Variants in CCNB1IP1 observed in about 807,000 individuals in gnomAD.
The protein encoded by CCNB1IP1 is cyclin B1 interacting protein 1.
In CCNB1IP1, 14 loss-of-function variants were observed where a neutral mutation model predicts 25.6. That is an observed-to-expected ratio of 0.55 (90% confidence interval 0.36 to 0.85). The LOEUF (loss-of-function observed/expected upper bound fraction) is 0.85. CCNB1IP1 is among the 40% of genes least tolerant of loss of function. The probability of loss-of-function intolerance (pLI) is 0.01; values close to 1 mark genes in which losing one functional copy is unlikely to be tolerated. For missense variants in CCNB1IP1, 278 were observed against 342.4 expected (o/e 0.81, Z 1.48); for synonymous variants, 119 against 116.1 (o/e 1.02, Z -0.16).
intron 4 of CCNB1IP1, among the ~76,000 whole-genome samples, chr14:20,324,904 T>A (rs1883019399): frequency 6.6e-6 from 1 of 152,110 alleles, no homozygotes; most frequent in East Asian, 2.0e-4. Flanking sequence ...TACTAAAACT[T>A]CCACCTCCTG....
intron 4 of CCNB1IP1, chr14:20,323,082 C>G (rs1462081618): frequency 6.6e-6 from 1 of 152,022 alleles, no homozygotes; most frequent in Non-Finnish European, 1.5e-5. Context: ...TGACAGCTAT[C>G]TAATTACTAT....
At chr14:20,320,032 A>G (rs1054358322) in intron 4 of CCNB1IP1, among the ~76,000 whole-genome samples, 3 of 152,140 alleles carry the variant, frequency 2.0e-5, no homozygotes, top group African/African-American at 7.2e-5. Flanking sequence ...CTGAATGACT[A>G]CTCAGGGATC....
chr14:20,329,296 G>A lies in CCNB1IP1; in HGVS notation c.-353C>T, dbSNP rs925804405. On this transcript the variant is annotated 5_prime_UTR_variant, in exon 2 of 7. Coordinates refer to ENST00000358932, the MANE Select transcript of CCNB1IP1 (RefSeq NM_021178.5). ...CAAATCCAAGCCCATATGATTTTCA[G>A]GGGGTCTACAGATGGGCCAGTTCTG... 3.9e-5 allele frequency: 6 copies of A among 152,188 alleles called. No homozygotes were observed. Among genetic ancestry groups the A allele is most frequent in the Non-Finnish European group, 7.3e-5 (5 of 68,032 alleles). 9.4% of individuals were successfully genotyped at this position (152,188 alleles called of 1,614,324 possible).
chr14:20,315,962 AAGAGAG>A (rs74717577), intron 5 of CCNB1IP1: 47 of 463,816 alleles, frequency 1.0e-4, no homozygotes, highest in South Asian at 5.9e-4. Context: ...TTTTATACAG[AAGAGAG>A]AGAGAGTGTG....
chr14:20,324,336 G>A (rs1232755326), intron 4 of CCNB1IP1, among the ~76,000 whole-genome samples: 12 of 152,020 alleles, frequency 7.9e-5, no homozygotes, highest in African/African-American at 2.9e-4. Flanking sequence ...ACAGGTGCAC[G>A]CCACCACACC....
intron 5 of CCNB1IP1, chr14:20,315,636 A>C: frequency 7.8e-7 from 1 of 1,284,926 alleles, no homozygotes; most frequent in Non-Finnish European, 1.0e-6. Context: ...TAGAAATCAT[A>C]AAGGGAAAAA....
chr14:20,321,745 T>A (rs1470599964), intron 4 of CCNB1IP1, among the ~76,000 whole-genome samples: 1 of 152,188 alleles, frequency 6.6e-6, no homozygotes, highest in Non-Finnish European at 1.5e-5. Context: ...ATCAAGAATC[T>A]TAATTTAAAG....
At chr14:20,321,404 A>G (rs772422793) in intron 4 of CCNB1IP1, among the ~76,000 whole-genome samples, 8 of 152,244 alleles carry the variant, frequency 5.3e-5, no homozygotes, top group Non-Finnish European at 2.9e-5. Context: ...GTTTTTAGAC[A>G]AACTACTGAA....
At chr14:20,318,429 C>G (rs1431133750) in intron 4 of CCNB1IP1, 3 of 151,082 alleles carry the variant, frequency 2.0e-5, no homozygotes, top group Non-Finnish European at 4.4e-5. Context: ...GCCGAGATCG[C>G]ACCATTGCAC....
intron 6 of CCNB1IP1, among the ~76,000 whole-genome samples, chr14:20,312,542 C>A (rs1010585577): frequency 2.0e-5 from 3 of 151,954 alleles, no homozygotes; most frequent in African/African-American, 4.8e-5. Context: ...CCTATTAAAT[C>A]TTTTTCCTCA....
chr14:20,315,459 A>T, intron 5 of CCNB1IP1: 7 of 1,086,834 alleles, frequency 6.4e-6, no homozygotes, highest in Non-Finnish European at 7.9e-6. Context: ...TGAAAAATAG[A>T]GGAGCATGTA....
chr14:20,331,260 T>C (rs1249508598), intron 1 of CCNB1IP1, among the ~76,000 whole-genome samples: 1 of 152,210 alleles, frequency 6.6e-6, no homozygotes, highest in Non-Finnish European at 1.5e-5. Flanking sequence ...AATACAAAGA[T>C]GACTTGGTTG....
intron 1 of CCNB1IP1, among the ~76,000 whole-genome samples, chr14:20,332,005 C>CATATATATATATATAT (rs1555314509): frequency 1.5e-5 from 1 of 66,578 alleles, no homozygotes; most frequent in African/African-American, 8.2e-5. Context: ...GATGTGTATA[C>CATATATATATATATAT]ATATATATAT....
chr14:20,330,463 G>A, intron 1 of CCNB1IP1: 1 of 152,202 alleles, frequency 6.6e-6, no homozygotes, highest in East Asian at 1.9e-4. Context: ...AAACAAACCT[G>A]CACATGTACC....
chr14:20,325,908 C>A (rs1013955836), intron 3 of CCNB1IP1, among the ~76,000 whole-genome samples: 1 of 151,918 alleles, frequency 6.6e-6, no homozygotes, highest in Non-Finnish European at 1.5e-5. Context: ...GAGAAAATAA[C>A]CCCCTAGTAT....
intron 4 of CCNB1IP1, among the ~76,000 whole-genome samples, chr14:20,321,572 C>T (rs1882896617): frequency 6.6e-6 from 1 of 152,104 alleles, no homozygotes. Flanking sequence ...TTGCCTCAGC[C>T]TCCCGCATAG....
At position 20,313,572 on chromosome 14, in the gene CCNB1IP1, C is replaced by T; in HGVS notation, c.527G>A (p.Gly176Asp). ...TCGTAGCCTAAGGCTATCATAGAGG[C>T]CTTGGAGCTTTTGATACTGACGATT... ...ERNRQYQKLQ[G>D]LYDSLRLRNI... is the part of the protein sequence containing the mutation. Residue 176 changes from glycine (G) to aspartate (D), a missense_variant, in exon 6 of 7, where the codon GGC becomes GAC. Gly to Asp is a moderately conservative substitution (Grantham distance 94, BLOSUM62 -1). Coordinates refer to ENST00000358932, the MANE Select transcript of CCNB1IP1 (RefSeq NM_021178.5). 2 of 1,614,158 alleles carry T rather than the reference C, an allele frequency of 1.2e-6. No individual in the cohort carries two copies. The highest frequency in any genetic ancestry group is 2.2e-5 in the South Asian group (2 of 91,080).
intron 2 of CCNB1IP1, among the ~76,000 whole-genome samples, chr14:20,327,133 C>T (rs1263150043): frequency 6.6e-6 from 1 of 151,946 alleles, no homozygotes; most frequent in African/African-American, 2.4e-5. Context: ...AGGACCCCTA[C>T]ACAAGCTTAA....
chr14:20,322,691 C>T (rs1328043669), intron 4 of CCNB1IP1, among the ~76,000 whole-genome samples: 1 of 150,534 alleles, frequency 6.6e-6, no homozygotes, highest in East Asian at 1.9e-4. Flanking sequence ...GGCACAATCG[C>T]GGCTTACTAC....
Sources: gnomAD v4.1 joint callset for allele counts (sites outside exome capture counted in the v4.1 genomes callset) on GRCh38, gnomAD v4.1.1 for gene constraint, MANE v1.5 for transcripts, NCBI Gene and HGNC (gene_info 2026-07-23, HGNC 2026-07-21) for gene names.